The following MLXIP variants were observed in gnomAD, a reference collection of about 807,000 sequenced individuals.
MLXIP encodes MLX interacting protein.
In MLXIP, 30 loss-of-function variants were observed where a neutral mutation model predicts 87.2. The ratio of observed to expected loss-of-function variants is 0.34; its 90% CI spans 0.26 to 0.47. The LOEUF (loss-of-function observed/expected upper bound fraction) is 0.47, where lower values mean the gene tolerates loss of function less well. Ranked by LOEUF, MLXIP falls within the 20% of genes least tolerant of loss-of-function variation. The pLI, the probability that MLXIP is intolerant of heterozygous loss-of-function variation, is 1.00. For synonymous variants in MLXIP, 530 were observed against 514.0 expected (o/e 1.03, Z -0.42); for missense variants, 1,002 against 1,240.1 (o/e 0.81, Z 2.88).
intron 1 of MLXIP, among the ~76,000 whole-genome samples, chr12:122,121,966 G>T (rs1216306402): frequency 6.6e-6 from 1 of 152,200 alleles, no homozygotes; most frequent in East Asian, 1.9e-4. Context: ...CCTCCCACGT[G>T]CCAGGCCCTG....
chr12:122,086,279 GT>G, intron 1 of MLXIP, among the ~76,000 whole-genome samples: 1 of 151,790 alleles, frequency 6.6e-6, no homozygotes, highest in East Asian at 1.9e-4. Flanking sequence ...ATTTGTTACA[GT>G]GACAACAGGA....
intron 1 of MLXIP, among the ~76,000 whole-genome samples, chr12:122,093,609 GGTGT>G (rs1444846809): frequency 1.5e-5 from 2 of 130,260 alleles, no homozygotes; most frequent in African/African-American, 2.9e-5. Flanking sequence ...GTGTGTTTGT[GGTGT>G]GTGTGTGGTG....
intron 1 of MLXIP, among the ~76,000 whole-genome samples, chr12:122,085,405 ATTTT>A (rs758637383): frequency 7.0e-6 from 1 of 142,920 alleles, no homozygotes; most frequent in Non-Finnish European, 1.5e-5. Flanking sequence ...TCTGTAGTGA[ATTTT>A]TTTTTTTTTT....
intron 1 of MLXIP, among the ~76,000 whole-genome samples, chr12:122,113,446 T>G (rs1167566055): frequency 1.3e-5 from 2 of 151,964 alleles, no homozygotes; most frequent in Non-Finnish European, 1.5e-5. Flanking sequence ...TTTTGTATCT[T>G]TTGTAGAGAT....
In MLXIP at chr12:122,142,391, G is replaced by T. The variant is rs1484897685; in HGVS notation, c.*579G>T. 2.0e-6 allele frequency: 1 copy of T among 509,258 alleles called. No individual in the cohort carries two copies. Among genetic ancestry groups the T allele is most frequent in the Non-Finnish European group, 3.8e-6 (1 of 263,482 alleles). The allele number at this position is 509,258 out of a possible 1,614,324, so 31.5% of individuals were successfully genotyped here. ...ATGCATGGCAGGCTGCCAGGGGGAA[G>T]TGCCTTCTTCAGAGGTCCTCCAGGA... On this transcript the variant is annotated 3_prime_UTR_variant, in exon 17 of 17. Transcript: ENST00000319080.
At chr12:122,100,633 C>T (rs1036704535) in intron 1 of MLXIP, among the ~76,000 whole-genome samples, 1 of 152,166 alleles carries the variant, frequency 6.6e-6, no homozygotes, top group African/African-American at 2.4e-5. Flanking sequence ...CTTGAATGAT[C>T]ATCTCCTCTA....
At chr12:122,112,285 G>A (rs180872209) in intron 1 of MLXIP, among the ~76,000 whole-genome samples, 1 of 152,276 alleles carries the variant, frequency 6.6e-6, no homozygotes, top group Admixed American at 6.5e-5. Flanking sequence ...GCTGTGTAAA[G>A]AACTAAATTG....
rs1425070304 is a variant in MLXIP, at chr12:122,135,583, C to T, written c.1949C>T (p.Pro650Leu). ...SPPAPVSRLFPSTAQDPLGKG... is the reference protein window; with the variant it reads ...SPPAPVSRLFLSTAQDPLGKG... ...CCTGCCCCCGTCTCCCGGCTCTTCC[C>T]AAGCACAGCGCAAGACCCCCTGGGG... The change falls in exon 11 of 17, where the codon CCA (proline) becomes CTA (leucine). Residue 650 changes from proline (P) to leucine (L), a missense_variant. Pro to Leu is a moderately conservative substitution (Grantham distance 98). Around this residue, in one of 3 missense-constraint regions of MLXIP, gnomAD observed 746 missense variants for 897.0 expected, o/e 0.83. Transcript: ENST00000319080. This position sits in a 1 kb window ranked among gnomAD's most constrained non-coding sequence, Gnocchi z 5.3. 1 of 1,594,188 alleles carries T rather than the reference C, an allele frequency of 6.3e-7. No homozygotes were observed. Among genetic ancestry groups the T allele is most frequent in the Non-Finnish European group, 8.5e-7 (1 of 1,171,312 alleles).
At chr12:122,102,656 C>A (rs1031951020) in intron 1 of MLXIP, among the ~76,000 whole-genome samples, 4 of 152,200 alleles carry the variant, frequency 2.6e-5, no homozygotes, top group African/African-American at 9.7e-5. Context: ...TGGAAATAGT[C>A]TAAATGTCCA....
intron 15 of MLXIP, 42 bp downstream of exon 15, chr12:122,138,980 A>G (rs990880582): frequency 1.2e-6 from 2 of 1,610,514 alleles, no homozygotes; most frequent in East Asian, 2.2e-5. Context: ...GCCCTCAGCC[A>G]ATGCACTGAA....
chr12:122,101,099 A>G (rs1593072724), intron 1 of MLXIP, among the ~76,000 whole-genome samples: 1 of 152,342 alleles, frequency 6.6e-6, no homozygotes, highest in Admixed American at 6.5e-5. Flanking sequence ...AGGGCAGACT[A>G]TGTCCCCGGG....
At chr12:122,130,382 A>G (rs989180668) in intron 6 of MLXIP, among the ~76,000 whole-genome samples, 1 of 151,960 alleles carries the variant, frequency 6.6e-6, no homozygotes, top group South Asian at 2.1e-4. Flanking sequence ...AGTCTGAGTC[A>G]TTGGCACATT....
intron 1 of MLXIP, among the ~76,000 whole-genome samples, chr12:122,092,362 G>T (rs1952258958): frequency 6.6e-6 from 1 of 152,150 alleles, no homozygotes; most frequent in African/African-American, 2.4e-5. Context: ...GCCTCCCAAA[G>T]TGCTGGGATT....
rs1243112536 is a variant in MLXIP at position 122,079,246 on chromosome 12, G to C, written c.393G>C (p.Glu131Asp). The change falls in exon 1 of 17, where the codon GAG (glutamate) becomes GAC (aspartate). Residue 131 changes from glutamate to aspartate, a missense_variant. By Grantham distance (45) the Glu-to-Asp change is conservative. This residue lies in a region of MLXIP where 127 missense variants were observed against 239.0 expected (regional missense o/e 0.53). Transcript: ENST00000319080. ...SIDASLTKLF[E>D]CMTLAYSGKL... is the part of the protein sequence containing the mutation. ...ACGCCTCGCTCACCAAGCTCTTCGA[G>C]TGCATGACTTTGGCCTACAGGTAGG... The C allele has an allele frequency of 3.2e-6, 5 of 1,550,662 alleles. No homozygotes were observed. The highest frequency in any genetic ancestry group is 1.7e-4 in the Middle Eastern group (1 of 6,014).
chr12:122,088,387 A>G (rs1179404151), intron 1 of MLXIP, among the ~76,000 whole-genome samples: 1 of 152,182 alleles, frequency 6.6e-6, no homozygotes, highest in Non-Finnish European at 1.5e-5. Flanking sequence ...ACCATCAGAA[A>G]AATCTTCTAG....
intron 1 of MLXIP, among the ~76,000 whole-genome samples, chr12:122,110,937 C>T (rs989616610): frequency 8.6e-5 from 13 of 151,730 alleles, no homozygotes; most frequent in Non-Finnish European, 5.9e-5. Context: ...ATTAGCCGGG[C>T]GTGGTGGCGG....
At chr12:122,129,731 C>A in intron 5 of MLXIP, 102 bp downstream of exon 5, 1 of 1,454,488 alleles carries the variant, frequency 6.9e-7, no homozygotes, top group South Asian at 1.2e-5. Flanking sequence ...AGGCCATGGG[C>A]CCTCCCTGGA....
At chr12:122,119,016 A>T (rs187512899) in intron 1 of MLXIP, among the ~76,000 whole-genome samples, 5,020 of 152,092 alleles carry the variant, frequency 0.033, 116 homozygotes, top group Non-Finnish European at 0.052. Context: ...AATACAAAAA[A>T]TTAGCTGGGC....
At chr12:122,127,432 G>C in intron 2 of MLXIP, 70 bp downstream of exon 2, 1 of 1,105,124 alleles carries the variant, frequency 9.0e-7, no homozygotes, top group Non-Finnish European at 1.3e-6. Flanking sequence ...GGCACCCAGG[G>C]ACCAGAGTCT....
Sources: allele counts gnomAD v4.1 joint callset (sites outside exome capture counted in the v4.1 genomes callset), GRCh38; gene constraint gnomAD v4.1.1; regional missense constraint gnomAD v4.1.1; non-coding constraint Gnocchi (gnomAD v3.1); transcripts MANE v1.5; gene names NCBI Gene and HGNC (gene_info 2026-07-23, HGNC 2026-07-21).